DLC1: variants seen among roughly 807,000 people sequenced by gnomAD.
The protein encoded by DLC1 is DLC1 Rho GTPase activating protein, also known as rho GTPase-activating protein 7.
A neutral mutation model predicts 140.3 loss-of-function variants in DLC1; 54 were observed. That is an observed-to-expected ratio of 0.38 (90% confidence interval 0.31 to 0.48). The LOEUF (loss-of-function observed/expected upper bound fraction) is 0.48. Ranked by LOEUF, DLC1 falls within the 20% of genes least tolerant of loss-of-function variation. The pLI, the probability that DLC1 is intolerant of heterozygous loss-of-function variation, is 0.96. For missense variants in DLC1, 2,536 were observed against 1,907.0 expected (o/e 1.33, Z -6.14); for synonymous variants, 986 against 728.1 (o/e 1.35, Z -5.70).
chr8:13,097,565 A>G (rs1322810867), intron 10 of DLC1, among the ~76,000 whole-genome samples: 2 of 152,110 alleles, frequency 1.3e-5, no homozygotes, highest in Non-Finnish European at 2.9e-5. Context: ...CACCCGCCCC[A>G]AAATGATTTC....
At chr8:13,565,189 A>G (rs1010321413) in intron 1 of DLC1, among the ~76,000 whole-genome samples, 1 of 152,164 alleles carries the variant, frequency 6.6e-6, no homozygotes, top group Non-Finnish European at 1.5e-5. Context: ...TTTCCCACCC[A>G]CATATATCTC....
In DLC1 at chr8:13,203,561, G is replaced by A. The variant is rs1350786480; in HGVS notation, c.1349-87904C>T. Among the ~76,000 whole-genome samples the A allele has an allele frequency of 3.9e-5, 6 of 152,272 alleles. No homozygotes were observed. The East Asian group carries it at 9.6e-4, about 24-fold the overall frequency. ...TTGTGCGCAATCCTGTCTGAACTATGCATCTGGTGACACGTCTGGACAGAA... is the reference window on the plus strand; with the variant it reads ...TTGTGCGCAATCCTGTCTGAACTATACATCTGGTGACACGTCTGGACAGAA... On this transcript the variant is annotated intron_variant, in intron 5 of 17. Transcript: ENST00000276297.
chr8:13,306,787 TG>T (rs1330795238), intron 4 of DLC1, among the ~76,000 whole-genome samples: 1 of 151,910 alleles, frequency 6.6e-6, no homozygotes, highest in Admixed American at 6.6e-5. Context: ...GATTTCCTTA[TG>T]GATAAAAAGT....
At chr8:13,565,804 G>T (rs2117393327) in intron 1 of DLC1, among the ~76,000 whole-genome samples, 1 of 152,212 alleles carries the variant, frequency 6.6e-6, no homozygotes, top group East Asian at 1.9e-4. Context: ...CCTAGGAAAA[G>T]TCCATCTCTA....
Position 13,088,480 on chromosome 8 carries a change from C to A in DLC1, c.4292+7G>T. 1 of 1,614,036 alleles carries A rather than the reference C, an allele frequency of 6.2e-7. No individual in the cohort carries two copies. ...TTGTCACAAAAAAACAACTGGGAAG[C>A]GCTCACCTTAAAACAACGTAGTCTC... On this transcript the variant is annotated splice_region_variant and intron_variant, in intron 16 of 17. Coordinates refer to ENST00000276297, the MANE Select transcript of DLC1 (RefSeq NM_182643.3).
At chr8:13,292,545 G>C (rs1831796311) in intron 5 of DLC1, among the ~76,000 whole-genome samples, 1 of 152,142 alleles carries the variant, frequency 6.6e-6, no homozygotes, top group Admixed American at 6.5e-5. Context: ...TGGGTAACCT[G>C]GCTGATCTTT....
chr8:13,440,204 G>T (rs781306565), intron 2 of DLC1, among the ~76,000 whole-genome samples: 1 of 152,110 alleles, frequency 6.6e-6, no homozygotes, highest in Non-Finnish European at 1.5e-5. Context: ...TTTTATTTGC[G>T]GTGTATCTTG....
chr8:13,284,451 C>T (rs1248790133), intron 5 of DLC1, among the ~76,000 whole-genome samples: 3 of 152,028 alleles, frequency 2.0e-5, no homozygotes, highest in Non-Finnish European at 4.4e-5. Flanking sequence ...TGCTTAAACC[C>T]GGGAGGCAGA....
intron 4 of DLC1, among the ~76,000 whole-genome samples, chr8:13,390,499 G>A (rs111338167): frequency 0.017 from 2,539 of 152,158 alleles, 97 homozygotes; most frequent in African/African-American, 0.057. Flanking sequence ...CTCAGTAATT[G>A]GATTGCTGGG....
chr8:13,143,550 G>C (rs1823177557), intron 5 of DLC1, among the ~76,000 whole-genome samples: 1 of 151,892 alleles, frequency 6.6e-6, no homozygotes, highest in African/African-American at 2.4e-5. Context: ...TGTACTCCTG[G>C]GCTCAAGTGA....
At chr8:13,384,590 C>T (rs1195361817) in intron 4 of DLC1, among the ~76,000 whole-genome samples, 1 of 128,638 alleles carries the variant, frequency 7.8e-6, no homozygotes, top group Non-Finnish European at 1.8e-5. Flanking sequence ...TTCTGACTTA[C>T]ATCCACAGAA....
chr8:13,398,807 T>A (rs545831969), intron 3 of DLC1, among the ~76,000 whole-genome samples: 1 of 151,986 alleles, frequency 6.6e-6, no homozygotes, highest in Admixed American at 6.6e-5. Flanking sequence ...CAGTATTAGA[T>A]GACAGGAGCA....
chr8:13,487,705 T>G (rs1265933585), intron 2 of DLC1, among the ~76,000 whole-genome samples: 1 of 152,036 alleles, frequency 6.6e-6, no homozygotes, highest in Non-Finnish European at 1.5e-5. Context: ...CCTGAGTTGC[T>G]GGGATGACAG....
intron 8 of DLC1, among the ~76,000 whole-genome samples, chr8:13,101,074 C>G (rs527897471): frequency 6.6e-6 from 1 of 152,062 alleles, no homozygotes; most frequent in African/African-American, 2.4e-5. Flanking sequence ...TATTCTTTTT[C>G]TTTTTTAAAT....
chr8:13,301,004 C>T (rs899326173), intron 5 of DLC1, among the ~76,000 whole-genome samples: 17 of 152,148 alleles, frequency 1.1e-4, no homozygotes, highest in African/African-American at 1.9e-4. Flanking sequence ...GCTGACAGCA[C>T]GGTGTGTAGA....
At chr8:13,142,762 C>T (rs547986727) in intron 5 of DLC1, among the ~76,000 whole-genome samples, 3 of 152,270 alleles carry the variant, frequency 2.0e-5, no homozygotes, top group African/African-American at 7.2e-5. Context: ...CAGAGTAAAA[C>T]TGGCATGCCA....
chr8:13,484,159 C>G (rs1417293661), intron 2 of DLC1, among the ~76,000 whole-genome samples: 1 of 151,980 alleles, frequency 6.6e-6, no homozygotes, highest in Non-Finnish European at 1.5e-5. Flanking sequence ...GGGTTAGGAC[C>G]AAAGGCCAAG....
intron 1 of DLC1, among the ~76,000 whole-genome samples, chr8:13,540,990 T>A (rs961078796): frequency 3.9e-5 from 6 of 152,234 alleles, no homozygotes; most frequent in African/African-American, 1.4e-4. Flanking sequence ...CTACACTACT[T>A]TGCTATCATA....
chr8:13,112,189 TCAAAATGGCTAATGC>T (rs1275964064), intron 6 of DLC1, among the ~76,000 whole-genome samples: 1 of 152,138 alleles, frequency 6.6e-6, no homozygotes, highest in African/African-American at 2.4e-5. Context: ...CCTTTGGCCT[TCAAAATGGCTAATGC>T]CACACAGTGG....
Sources: allele counts gnomAD v4.1 joint callset (sites outside exome capture counted in the v4.1 genomes callset), GRCh38; gene constraint gnomAD v4.1.1; transcripts MANE v1.5; gene names NCBI Gene and HGNC (gene_info 2026-07-23, HGNC 2026-07-21).